KLHL32: variants seen among roughly 807,000 people sequenced by gnomAD.
KLHL32 encodes kelch-like protein 32.
KLHL32 carries 35 observed loss-of-function variants against 64.8 expected under a neutral mutation model. The ratio of observed to expected loss-of-function variants is 0.54; its 90% confidence interval spans 0.41 to 0.72. KLHL32 has a LOEUF of 0.72. Among genes scored for constraint, KLHL32 ranks in the 30% least tolerant of loss-of-function variants. The pLI is 0.00. For synonymous variants in KLHL32, 259 were observed against 281.0 expected (o/e 0.92, Z 0.78); for missense variants, 589 against 768.5 (o/e 0.77, Z 2.76).
chr6:96,951,686 C>T (rs6938691), intron 1 of KLHL32, among the ~76,000 whole-genome samples: 74,735 of 151,912 alleles, frequency 0.49, 18,837 homozygotes, highest in African/African-American at 0.59. Flanking sequence ...TCTCATAAAT[C>T]GCATTAGTTA....
At chr6:96,904,121 T>C in the KLHL32 span, among the ~76,000 whole-genome samples, 1 of 151,932 alleles carries the variant, frequency 6.6e-6, no homozygotes, top group Non-Finnish European at 1.5e-5. Flanking sequence ...GCAGGCAGAT[T>C]ACCTGAGGTC....
intron 1 of KLHL32, among the ~76,000 whole-genome samples, chr6:96,952,786 C>T (rs1454833275): frequency 6.6e-6 from 1 of 152,182 alleles, no homozygotes; most frequent in Non-Finnish European, 1.5e-5. Flanking sequence ...TAGATAACAT[C>T]ACTATTGTAG....
chr6:96,987,208 C>G (rs1335656146), intron 3 of KLHL32, among the ~76,000 whole-genome samples: 1 of 152,130 alleles, frequency 6.6e-6, no homozygotes, highest in Non-Finnish European at 1.5e-5. Context: ...TCTCTATTTC[C>G]TTCAGTTCTG....
chr6:97,101,922 T>G (rs1003159549), intron 6 of KLHL32, among the ~76,000 whole-genome samples: 2 of 152,244 alleles, frequency 1.3e-5, no homozygotes, highest in South Asian at 4.1e-4. Context: ...TTTAAAAGGA[T>G]AATTATATTG....
intron 1 of KLHL32, among the ~76,000 whole-genome samples, chr6:96,958,318 A>G (rs966365739): frequency 6.6e-6 from 1 of 152,154 alleles, no homozygotes; most frequent in Admixed American, 6.5e-5. Context: ...ATTGGATCAT[A>G]TAGGAGAGTA....
intron 3 of KLHL32, among the ~76,000 whole-genome samples, chr6:96,983,749 C>T (rs1170056688): frequency 2.6e-5 from 4 of 151,918 alleles, no homozygotes; most frequent in Admixed American, 6.6e-5. Flanking sequence ...TTTTCTGTTG[C>T]GTCTATTTCA....
chr6:96,989,714 C>T (rs1374250462), intron 3 of KLHL32, among the ~76,000 whole-genome samples: 1 of 151,790 alleles, frequency 6.6e-6, no homozygotes, highest in Non-Finnish European at 1.5e-5. Flanking sequence ...GCTTTTTCTC[C>T]CCCCCTCTCT....
chr6:97,099,999 G>T (rs1795492887), intron 6 of KLHL32, among the ~76,000 whole-genome samples: 1 of 151,958 alleles, frequency 6.6e-6, no homozygotes, highest in South Asian at 2.1e-4. Flanking sequence ...ACAAAAATTA[G>T]CCAGGCGCGG....
chr6:96,931,481 A>G (rs1432468585), intron 1 of KLHL32, among the ~76,000 whole-genome samples: 1 of 152,236 alleles, frequency 6.6e-6, no homozygotes, highest in African/African-American at 2.4e-5. Context: ...TTTTCATCAT[A>G]CAATGGATTA....
chr6:97,086,996 T>G (rs1438590121), intron 6 of KLHL32, among the ~76,000 whole-genome samples: 1 of 152,226 alleles, frequency 6.6e-6, no homozygotes, highest in Non-Finnish European at 1.5e-5. Context: ...CGTGGTAATG[T>G]GCAGATGGCT....
chr6:96,919,148 A>C, the KLHL32 span, among the ~76,000 whole-genome samples: 1 of 152,208 alleles, frequency 6.6e-6, no homozygotes, highest in Non-Finnish European at 1.5e-5. Context: ...TCCTGGCTTT[A>C]CAAAAAGCTT....
chr6:97,023,585 G>C (rs80216382), intron 3 of KLHL32, among the ~76,000 whole-genome samples: 10,992 of 152,220 alleles, frequency 0.072, 855 homozygotes, highest in Admixed American at 0.22. Flanking sequence ...GGGCAACAAG[G>C]ATTGTACCCA....
chr6:97,086,284 A>T (rs1248560519), intron 6 of KLHL32, among the ~76,000 whole-genome samples: 5 of 152,226 alleles, frequency 3.3e-5, no homozygotes, highest in Non-Finnish European at 7.3e-5. Flanking sequence ...CAAAATTGTC[A>T]TATAGGTAGC....
Position 97,139,306 on chromosome 6 carries a change from AG to A in KLHL32, c.*26del, listed in dbSNP as rs1800430703. ...GAAAAGCCAAGCCATCATGAACAGG[AG>A]GAAAACATAGCTCTGACTGTTGGAT... On this transcript the variant is annotated 3_prime_UTR_variant, in exon 11 of 11. Transcript: ENST00000369261. 1.9e-6 allele frequency: 3 copies of A among 1,596,122 alleles called. No homozygotes were observed. Among genetic ancestry groups the A allele is most frequent in the Non-Finnish European group, 2.6e-6 (3 of 1,166,918 alleles).
intron 3 of KLHL32, chr6:97,025,207 A>G (rs1782548133): frequency 1.2e-6 from 1 of 836,820 alleles, no homozygotes; most frequent in South Asian, 5.5e-5. Flanking sequence ...TCGTCTTTGT[A>G]AAAATCTGAT....
chr6:97,075,716 A>G (rs768701964), intron 5 of KLHL32, among the ~76,000 whole-genome samples: 2 of 152,130 alleles, frequency 1.3e-5, no homozygotes, highest in Non-Finnish European at 1.5e-5. Context: ...TTCCTGCAGC[A>G]CCAGGTTAGG....
At chr6:97,058,591 T>C (rs190742683) in intron 4 of KLHL32, among the ~76,000 whole-genome samples, 2 of 152,386 alleles carry the variant, frequency 1.3e-5, no homozygotes, top group Admixed American at 1.3e-4. Flanking sequence ...TTTACAGCTA[T>C]GTGTAGCCAC....
intron 7 of KLHL32, among the ~76,000 whole-genome samples, chr6:97,124,369 A>G (rs1422914741): frequency 6.6e-6 from 1 of 152,208 alleles, no homozygotes; most frequent in Non-Finnish European, 1.5e-5. Flanking sequence ...GAAAATTTGT[A>G]TGTAAGGGTA....
chr6:97,105,724 A>G (rs1188396240), intron 6 of KLHL32, among the ~76,000 whole-genome samples: 1 of 152,148 alleles, frequency 6.6e-6, no homozygotes, highest in Non-Finnish European at 1.5e-5. Flanking sequence ...CTCTGTGATA[A>G]GAACATCCTT....
Sources: allele counts gnomAD v4.1 joint callset (sites outside exome capture counted in the v4.1 genomes callset), GRCh38; gene constraint gnomAD v4.1.1; transcripts MANE v1.5; gene names NCBI Gene and HGNC (gene_info 2026-07-23, HGNC 2026-07-21).